TRIM68: variants seen among roughly 807,000 people sequenced by gnomAD.
TRIM68 encodes tripartite motif containing 68.
Under a neutral mutation model 41.9 loss-of-function variants are expected in TRIM68, and 36 were observed. The ratio of observed to expected loss-of-function variants is 0.86; its 90% confidence interval spans 0.66 to 1.14. The LOEUF (loss-of-function observed/expected upper bound fraction) is 1.14, where lower values mean the gene tolerates loss of function less well. Ranked by LOEUF, TRIM68 falls within the 50% of genes most tolerant of loss-of-function variation. TRIM68 has a pLI of 0.00. For missense variants in TRIM68, 632 were observed against 605.1 expected, an observed-to-expected ratio of 1.04 and a Z score of -0.47; for synonymous variants, 225 against 224.6, an observed-to-expected ratio of 1.00 and a Z score of -0.02.
intron 1 of TRIM68, 141 bp downstream of exon 1, chr11:4,607,886 G>A (rs1028332796): frequency 1.3e-5 from 2 of 152,464 alleles, no homozygotes; most frequent in Non-Finnish European, 2.9e-5. Context: ...GGAGTCGAGG[G>A]GCGGGCGGTA....
chr11:4,600,943 G>T, intron 6 of TRIM68, 84 bp downstream of exon 6: 1 of 1,557,932 alleles, frequency 6.4e-7, no homozygotes, highest in Non-Finnish European at 8.8e-7. Context: ...GCTGGATGGA[G>T]CACCCAGAGG....
chr11:4,601,332 G>A, intron 5 of TRIM68: 1 of 602,164 alleles, frequency 1.7e-6, no homozygotes, highest in Non-Finnish European at 3.0e-6. Context: ...GGGAAGGGTT[G>A]GATGTATATT....
chr11:4,600,600 A>AT lies in TRIM68; in HGVS notation c.1133dup (p.Asn378LysfsTer26). The AT allele has an allele frequency of 1.9e-6, 3 of 1,613,954 alleles. No individual in the cohort carries two copies. The highest frequency in any genetic ancestry group is 2.5e-6 in the Non-Finnish European group (3 of 1,180,000). ...AGTAGACCACCTCCTTCCGGTCTAC[A>AT]TTTTGCTTACATACTCCCAGGCCCC... is the stretch of plus-strand genomic sequence containing the variant. On this transcript the variant is annotated frameshift_variant, in exon 7 of 7. Coordinates refer to ENST00000300747, the MANE Select transcript of TRIM68 (RefSeq NM_018073.8). LOFTEE classifies it low-confidence loss of function (END_TRUNC).
chr11:4,600,206 G>GTA lies in TRIM68; in HGVS notation c.*69_*70insTA. ...TCAGTTTCAGGGGATACCTGTCAGT[G>GTA]GCTCGGTCCTCCAAGCCCCATGGGG... is the stretch of plus-strand genomic sequence containing the variant. On this transcript the variant is annotated 3_prime_UTR_variant, in exon 7 of 7. Transcript: ENST00000300747. 1.4e-6 allele frequency: 2 copies of GTA among 1,450,280 alleles called. No individual in the cohort carries two copies. Among genetic ancestry groups the GTA allele is most frequent in the Admixed American group, 2.3e-5 (1 of 43,520 alleles). 89.8% of individuals were successfully genotyped at this position (1,450,280 alleles called of 1,614,324 possible).
In TRIM68 at chr11:4,600,677, TG is replaced by T; in HGVS notation, c.1056del (p.Cys352Ter). The T allele has an allele frequency of 6.2e-7, 1 of 1,614,158 alleles. No individual in the cohort carries two copies. The highest frequency in any genetic ancestry group is 8.5e-7 in the Non-Finnish European group (1 of 1,180,018). On this transcript the variant is annotated frameshift_variant, in exon 7 of 7. Coordinates refer to ENST00000300747, the MANE Select transcript of TRIM68 (RefSeq NM_018073.8). LOFTEE classifies it low-confidence loss of function (END_TRUNC). ...TCCCAGTAGTGCCGGCCTGAGGAGA[TG>T]CACTGGCTTCCCAGGACGATATTAT... ...YRYNIVLGSQ[C>X]ISSGRHYWEV...
chr11:4,603,035 G>GA, intron 3 of TRIM68, among the ~76,000 whole-genome samples: 1 of 152,310 alleles, frequency 6.6e-6, no homozygotes, highest in East Asian at 1.9e-4. Context: ...AAGACCAGAG[G>GA]TTATCCCTAC....
Position 4,601,111 on chromosome 11 carries a change from A to T in TRIM68, c.823T>A (p.Leu275Met). Residue 275 changes from leucine to methionine, a missense_variant, in exon 6 of 7, where the codon TTG becomes ATG. By Grantham distance (15) the Leu-to-Met change is conservative. Transcript: ENST00000300747. Reference sequence around the variant, plus strand: ...AGGGAGATTGGTTCTGGCTGCTGCAAGCTCCAAGATTTGCTCCTGGTAGAG... The same window carrying T: ...AGGGAGATTGGTTCTGGCTGCTGCATGCTCCAAGATTTGCTCCTGGTAGAG... ...EVLNRSKSWS[L>M]QQPEPISLEL... The T allele has an allele frequency of 6.2e-7, 1 of 1,614,156 alleles. No individual in the cohort carries two copies. Among genetic ancestry groups the T allele is most frequent in the Non-Finnish European group, 8.5e-7 (1 of 1,179,994 alleles).
At chr11:4,601,338 A>G (rs1301368510) in intron 5 of TRIM68, 3 of 598,888 alleles carry the variant, frequency 5.0e-6, no homozygotes, top group African/African-American at 3.7e-5. Flanking sequence ...GGTTGGATGT[A>G]TATTTGATTC....
rs1846458847 is a variant in TRIM68 at position 4,600,160 on chromosome 11, T to A, written c.*116A>T. Reference sequence around the variant, plus strand: ...AAGACCAAAGGATCAGACAGAGGAATCCTTGGATACTGGGCTCAGCTCAGT... The same window carrying A: ...AAGACCAAAGGATCAGACAGAGGAAACCTTGGATACTGGGCTCAGCTCAGT... On this transcript the variant is annotated 3_prime_UTR_variant, in exon 7 of 7. Transcript: ENST00000300747. 2 of 1,062,660 alleles carry A rather than the reference T, an allele frequency of 1.9e-6. No homozygotes were observed. Among genetic ancestry groups the A allele is most frequent in the Admixed American group, 5.4e-5 (2 of 37,294 alleles). 65.8% of individuals were successfully genotyped at this position (1,062,660 alleles called of 1,614,324 possible).
Position 4,601,081 on chromosome 11 carries a change from A to G in TRIM68, c.853T>C (p.Leu285=), listed in dbSNP as rs370298619. 6.2e-7 allele frequency: 1 copy of G among 1,613,798 alleles called. No individual in the cohort carries two copies. The highest frequency in any genetic ancestry group is 8.5e-7 in the Non-Finnish European group (1 of 1,179,978). ...CCCAGCACACGGCAATCTGTCTTCA[A>G]CTCCAGGGAGATTGGTTCTGGCTGC... ...LQQPEPISLE[L]KTDCRVLGLR... Residue 285 remains leucine, a synonymous_variant, in exon 6 of 7, where the codon TTG becomes CTG. Transcript: ENST00000300747.
intron 3 of TRIM68, among the ~76,000 whole-genome samples, chr11:4,602,972 T>C (rs978925961): frequency 2.0e-5 from 3 of 152,366 alleles, no homozygotes; most frequent in South Asian, 4.1e-4. Flanking sequence ...GCCATGCCAC[T>C]GTGAGCTGAC....
In TRIM68 at chr11:4,605,406, G is replaced by A. The variant is rs1383184179; in HGVS notation, c.99C>T (p.His33=). 7 of 1,614,224 alleles carry A rather than the reference G, an allele frequency of 4.3e-6. No individual in the cohort carries two copies. The South Asian group carries it at 6.6e-5, about 15-fold the overall frequency. The change falls in exon 2 of 7, where the codon CAC becomes CAT. Residue 33 remains histidine (H), a synonymous_variant. Coordinates refer to ENST00000300747, the MANE Select transcript of TRIM68 (RefSeq NM_018073.8). ...LREPMSIDCG[H]SFCHSCLSGL... is the part of the protein sequence containing the mutation. The stretch of plus-strand genomic sequence containing the variant: ...CAGAGAGACAGCTGTGGCAGAAGCT[G>A]TGGCCACAGTCAATGCTCATGGGCT...
chr11:4,607,742 T>A (rs1254767540), intron 1 of TRIM68, among the ~76,000 whole-genome samples: 1 of 152,250 alleles, frequency 6.6e-6, no homozygotes, highest in Admixed American at 6.5e-5. Context: ...CATGAATTAC[T>A]TTGAGAAAAT....
intron 1 of TRIM68, among the ~76,000 whole-genome samples, chr11:4,607,494 T>A (rs956168840): frequency 6.6e-6 from 1 of 152,224 alleles, no homozygotes; most frequent in Middle Eastern, 3.4e-3. Flanking sequence ...AAGCTACAAA[T>A]GGAAGACCTA....
chr11:4,602,551 T>C (rs1589849114), intron 3 of TRIM68, 139 bp from the exon 4 acceptor site: 10 of 1,162,420 alleles, frequency 8.6e-6, no homozygotes, highest in African/African-American at 1.5e-5. Context: ...AAGGATACTA[T>C]TTTTCCTAGC....
In TRIM68 at chr11:4,603,257, A is replaced by C; in HGVS notation, c.510T>G (p.Thr170=). The stretch of plus-strand genomic sequence containing the variant: ...CGAGGCAACCTGCCTTCCAGGTGGC[A>C]GTTCGTTTCCTTTCACCAACTTCAA... ...WKLEVGERKR[T]ATWKIQVETR... The change falls in exon 3 of 7, where the codon ACT becomes ACG. Residue 170 remains threonine (T), a synonymous_variant. Coordinates refer to ENST00000300747, the MANE Select transcript of TRIM68 (RefSeq NM_018073.8). The C allele has an allele frequency of 6.2e-7, 1 of 1,614,230 alleles. No homozygotes were observed. The highest frequency in any genetic ancestry group is 1.7e-5 in the Admixed American group (1 of 60,026).
In TRIM68 at chr11:4,602,272, C is replaced by T. The variant is rs139234097; in HGVS notation, c.663G>A (p.Ala221=). The part of the protein sequence containing the change: ...AALASLQREA[A]ETMQKLELNH... ...TCAACTCCAGTTTCTGCATGGTCTC[C>T]GCTGCCTCCCGCTGTAGGCTGGCCA... Residue 221 remains alanine (A), a synonymous_variant, in exon 4 of 7, where the codon GCG becomes GCA. Transcript: ENST00000300747. 4.2e-5 allele frequency: 68 copies of T among 1,614,092 alleles called. No homozygotes were observed. The East Asian group carries it at 1.2e-3, about 29-fold the overall frequency.
intron 2 of TRIM68, 23 bp from the exon 3 acceptor site, chr11:4,603,363 G>A (rs1190866194): frequency 1.9e-6 from 3 of 1,611,878 alleles, no homozygotes; most frequent in Non-Finnish European, 1.7e-6. Context: ...AAACCCTCAT[G>A]AGGCCACCTC....
intron 1 of TRIM68, among the ~76,000 whole-genome samples, chr11:4,606,231 T>C (rs1236222222): frequency 6.6e-6 from 1 of 152,234 alleles, no homozygotes; most frequent in African/African-American, 2.4e-5. Flanking sequence ...TGAAATAACA[T>C]CCCTTGGAGA....
Sources: allele counts gnomAD v4.1 joint callset (sites outside exome capture counted in the v4.1 genomes callset), GRCh38; gene constraint gnomAD v4.1.1; transcripts MANE v1.5; gene names NCBI Gene and HGNC (gene_info 2026-07-23, HGNC 2026-07-21).